FGF13: variants seen among roughly 807,000 people sequenced by gnomAD.
FGF13 encodes fibroblast growth factor homologous factor 2.
Under a neutral mutation model 19.5 loss-of-function variants are expected in FGF13, and 2 were observed. The observed-to-expected ratio is 0.10, with a 90% CI of 0.04 to 0.32. The LOEUF (loss-of-function observed/expected upper bound fraction) is 0.32, where lower values mean the gene tolerates loss of function less well. FGF13 is among the 10% of genes least tolerant of loss of function. FGF13 has a pLI of 1.00. For synonymous variants in FGF13, 72 were observed against 76.9 expected, an observed-to-expected ratio of 0.94 and a Z score of 0.33; for missense variants, 113 against 192.7, an observed-to-expected ratio of 0.59 and a Z score of 2.45.
At chrX:139,107,826 G>T (rs2083570896) in intron 1 of FGF13, among the ~76,000 whole-genome samples, 1 of 110,414 alleles carries the variant, frequency 9.1e-6, no homozygotes, top group African/African-American at 3.3e-5. Flanking sequence ...TGGTTTTATT[G>T]GATATCTAGG....
intron 3 of FGF13, among the ~76,000 whole-genome samples, chrX:138,820,164 T>C (rs1038333875): frequency 1.5e-4 from 17 of 112,226 alleles, no homozygotes; most frequent in African/African-American, 4.9e-4. Flanking sequence ...TGAACAGTTA[T>C]AAAGTAACTA....
chrX:139,067,934 T>C (rs1021275679), intron 1 of FGF13, among the ~76,000 whole-genome samples: 4 of 105,737 alleles, frequency 3.8e-5, no homozygotes, highest in African/African-American at 1.4e-4. Context: ...ATTTTGTAGG[T>C]TGCCTGTTCA....
intron 1 of FGF13, among the ~76,000 whole-genome samples, chrX:139,139,421 C>T (rs868734118): frequency 8.9e-6 from 1 of 111,813 alleles, no homozygotes; most frequent in Non-Finnish European, 1.9e-5. Flanking sequence ...CAAAGTCCAA[C>T]AAAACATGAG....
intron 3 of FGF13, among the ~76,000 whole-genome samples, chrX:138,637,432 A>G (rs2089196897): frequency 8.9e-6 from 1 of 112,349 alleles, no homozygotes; most frequent in Non-Finnish European, 1.9e-5. Flanking sequence ...CATTTTGAAA[A>G]TATATCTGGT....
intron 1 of FGF13, among the ~76,000 whole-genome samples, chrX:139,117,533 A>C (rs1295303110): frequency 2.7e-5 from 3 of 111,702 alleles, no homozygotes; most frequent in Non-Finnish European, 5.6e-5. Context: ...GTCCTGCTAC[A>C]TTAAAAGTGT....
intron 3 of FGF13, among the ~76,000 whole-genome samples, chrX:138,781,086 A>G (rs2090637856): frequency 1.8e-5 from 2 of 111,455 alleles, no homozygotes; most frequent in South Asian, 7.6e-4. Context: ...TAACGAAATG[A>G]AGGCAGAAAT....
At chrX:138,660,257 TA>T (rs1370076767) in intron 3 of FGF13, among the ~76,000 whole-genome samples, 3 of 111,619 alleles carry the variant, frequency 2.7e-5, no homozygotes, top group Non-Finnish European at 5.7e-5. Flanking sequence ...ATTTAATCTG[TA>T]AAAGGAACTT....
intron 1 of FGF13, among the ~76,000 whole-genome samples, chrX:138,935,110 A>C (rs1458355861): frequency 9.0e-6 from 1 of 110,822 alleles, no homozygotes; most frequent in Non-Finnish European, 1.9e-5. Flanking sequence ...TAGCATCAGA[A>C]TCGAAGTTTC....
intron 3 of FGF13, among the ~76,000 whole-genome samples, chrX:138,668,008 T>G (rs776276919): frequency 9.0e-6 from 1 of 111,496 alleles, no homozygotes; most frequent in Non-Finnish European, 1.9e-5. Context: ...TTAAAAAAAA[T>G]GACAATTTAA....
chrX:138,976,557 A>T (rs1010751614), intron 1 of FGF13, among the ~76,000 whole-genome samples: 1 of 111,466 alleles, frequency 9.0e-6, no homozygotes, highest in Non-Finnish European at 1.9e-5. Context: ...GGGGGATGGT[A>T]AAAGGGGGAC....
intron 3 of FGF13, among the ~76,000 whole-genome samples, chrX:138,815,154 C>A (rs1342754043): frequency 2.7e-5 from 3 of 110,356 alleles, no homozygotes; most frequent in African/African-American, 9.9e-5. Context: ...CTCATAGAAG[C>A]AGAGAGTAGA....
chrX:138,852,949 TTA>T (rs2091232270), downstream of FGF13, among the ~76,000 whole-genome samples: 1 of 109,714 alleles, frequency 9.1e-6, no homozygotes, highest in East Asian at 2.9e-4. Context: ...AACAAACACA[TTA>T]GAAAAAAAAA....
At chrX:139,135,931 A>G (rs1423469805) in intron 1 of FGF13, among the ~76,000 whole-genome samples, 1 of 112,240 alleles carries the variant, frequency 8.9e-6, no homozygotes, top group Non-Finnish European at 1.9e-5. Flanking sequence ...AATGCTAAAA[A>G]AAAGAAAGCG....
chrX:139,063,928 C>A (rs1035760852), intron 1 of FGF13, among the ~76,000 whole-genome samples: 1 of 111,252 alleles, frequency 9.0e-6, no homozygotes, highest in Non-Finnish European at 1.9e-5. Context: ...TCAGTTTATA[C>A]GAGTACAGTA....
intron 1 of FGF13, among the ~76,000 whole-genome samples, chrX:138,888,296 T>C (rs1172085002): frequency 1.8e-5 from 2 of 112,150 alleles, no homozygotes; most frequent in Non-Finnish European, 3.8e-5. Context: ...TCTCAGATAC[T>C]GAAATTGAGA....
chrX:138,620,572 C>CA lies in FGF13; in HGVS notation c.*12277dup, dbSNP rs897733276. ...AGACAGCAAGAGAGGAAGAAAGAAA[C>CA]AAAAAAACTTACAAAACAGCTGAAA... On this transcript the variant is annotated 3_prime_UTR_variant, in exon 5 of 5. Transcript: ENST00000315930. The CA allele has an allele frequency of 6.3e-5, 7 of 110,452 alleles. No homozygotes were observed. Among genetic ancestry groups the CA allele is most frequent in the African/African-American group, 2.3e-4 (7 of 30,433 alleles). 9.1% of individuals were successfully genotyped at this position (110,452 alleles called of 1,213,427 possible). A position where few individuals can be genotyped will look rare whatever the true frequency, so the allele number is the denominator to read the frequency against.
chrX:138,668,522 T>G (rs1217297376), intron 3 of FGF13, among the ~76,000 whole-genome samples: 4 of 110,369 alleles, frequency 3.6e-5, no homozygotes, highest in African/African-American at 9.9e-5. Flanking sequence ...TTGGTTATTT[T>G]GAGTTTAAAG....
intron 2 of FGF13, among the ~76,000 whole-genome samples, chrX:138,706,759 T>C (rs1204388455): frequency 8.9e-6 from 1 of 111,925 alleles, no homozygotes; most frequent in African/African-American, 3.2e-5. Flanking sequence ...GTTTAATCAT[T>C]AAACCTTCTT....
intron 1 of FGF13, among the ~76,000 whole-genome samples, chrX:138,975,392 C>T (rs1213926159): frequency 1.8e-5 from 2 of 112,205 alleles, no homozygotes; most frequent in African/African-American, 6.5e-5. Flanking sequence ...TCTTCTACTA[C>T]ACCAGAGTGT....
Sources: allele counts gnomAD v4.1 joint callset (sites outside exome capture counted in the v4.1 genomes callset), GRCh38; gene constraint gnomAD v4.1.1; transcripts MANE v1.5; gene names NCBI Gene and HGNC (gene_info 2026-07-23, HGNC 2026-07-21).